Variants in CNTNAP3B observed in about 807,000 individuals in gnomAD.
CNTNAP3B encodes the protein contactin associated protein family member 3B.
CNTNAP3B carries 25 observed loss-of-function variants against 108.9 expected under a neutral mutation model. The observed-to-expected ratio is 0.23, with a 90% CI of 0.17 to 0.32. CNTNAP3B has a LOEUF of 0.32. CNTNAP3B is among the 10% of genes least tolerant of loss of function. The pLI, the probability that CNTNAP3B is intolerant of heterozygous loss-of-function variation, is 1.00. For synonymous variants in CNTNAP3B, 103 were observed against 473.4 expected (o/e 0.22, Z 10.16); for missense variants, 252 against 1,210.4 (o/e 0.21, Z 11.75).
chr9:41,917,005 T>G (rs1319896720), intron 18 of CNTNAP3B, among the ~76,000 whole-genome samples: 3 of 152,144 alleles, frequency 2.0e-5, no homozygotes, highest in African/African-American at 7.2e-5. Context: ...TTTAATAAGA[T>G]GTGTCTGGAT....
At position 42,115,817 on chromosome 9, in the gene CNTNAP3B, A is replaced by G. The variant is rs1056156194; in HGVS notation, c.86-11078T>C. On this transcript the variant is annotated intron_variant, in intron 1 of 23. Coordinates refer to ENST00000377561, the MANE Select transcript of CNTNAP3B (RefSeq NM_001201380.3). ...AAATCAGAGCACCTCTTCTCCTCCA[A>G]AGGAACACAACGCCTCGCCAGCAAC... is the stretch of plus-strand genomic sequence containing the variant. Among the ~76,000 whole-genome samples, 6 of 121,216 alleles carry G rather than the reference A, an allele frequency of 4.9e-5. 1 individual carries two copies. Among genetic ancestry groups the G allele is most frequent in the African/African-American group, 2.1e-4 (6 of 28,894 alleles). The allele number at this position is 121,216 out of a possible 152,430, so 79.5% of individuals were successfully genotyped here. A position where few individuals can be genotyped will look rare whatever the true frequency, so the allele number is the denominator to read the frequency against.
At chr9:41,919,222 C>T (rs1305790000) in intron 18 of CNTNAP3B, among the ~76,000 whole-genome samples, 1 of 152,048 alleles carries the variant, frequency 6.6e-6, no homozygotes, top group Non-Finnish European at 1.5e-5. Context: ...GCAACCTCTG[C>T]CTCCCGGGTT....
chr9:41,968,301 C>A (rs536554326), intron 10 of CNTNAP3B, among the ~76,000 whole-genome samples: 20 of 142,672 alleles, frequency 1.4e-4, no homozygotes, highest in Non-Finnish European at 2.6e-4. Context: ...GGACATTACC[C>A]CTTAACTCAG....
At chr9:41,917,590 TG>T (rs1474866985) in intron 18 of CNTNAP3B, among the ~76,000 whole-genome samples, 1 of 142,766 alleles carries the variant, frequency 7.0e-6, no homozygotes, top group Non-Finnish European at 1.5e-5. Flanking sequence ...GGTAACTTCT[TG>T]CCTTGCCTCT....
chr9:41,943,379 GTC>G (rs1824422330), intron 13 of CNTNAP3B, among the ~76,000 whole-genome samples: 1 of 136,360 alleles, frequency 7.3e-6, no homozygotes, highest in Non-Finnish European at 1.5e-5. Flanking sequence ...TTGAGATGGA[GTC>G]TCTCTCTGTC....
intron 12 of CNTNAP3B, chr9:41,960,278 G>A (rs1267033898): frequency 1.1e-4 from 19 of 168,674 alleles, no homozygotes; most frequent in East Asian, 1.8e-4. Context: ...GATTACAGGC[G>A]TGAGCCACCA....
chr9:41,926,743 TCA>T (rs1441224644), intron 15 of CNTNAP3B: 1 of 152,354 alleles, frequency 6.6e-6, no homozygotes, highest in African/African-American at 2.4e-5. Context: ...ATTTCAAATA[TCA>T]CACTTTCTCT....
chr9:41,954,975 C>A (rs1372345255), intron 12 of CNTNAP3B, among the ~76,000 whole-genome samples: 1 of 151,722 alleles, frequency 6.6e-6, no homozygotes, highest in East Asian at 1.9e-4. Context: ...TGTGAGCCAC[C>A]ACGCCTGGCC....
rs1287218809 is a variant in CNTNAP3B at position 42,112,261 on chromosome 9, T to G, written c.86-7522A>C. 9.3e-5 allele frequency among the ~76,000 whole-genome samples: 13 copies of G among 139,764 alleles called. 1 individual carries two copies. In the South Asian group the frequency reaches 1.8e-3, roughly 20 times the overall value. 91.7% of individuals were successfully genotyped at this position (139,764 alleles called of 152,430 possible). A position where few individuals can be genotyped will look rare whatever the true frequency, so the allele number is the denominator to read the frequency against. On this transcript the variant is annotated intron_variant, in intron 1 of 23. Coordinates refer to ENST00000377561, the MANE Select transcript of CNTNAP3B (RefSeq NM_001201380.3). ...CTCAAGTTTTGTCTCTGCTCTGAAG[T>G]CTTCTCACATGTGTGAAGGCCCCAG...
At chr9:42,099,727 T>G (rs1211332023) in intron 2 of CNTNAP3B, among the ~76,000 whole-genome samples, 2 of 110,334 alleles carry the variant, frequency 1.8e-5, no homozygotes, top group African/African-American at 7.4e-5. Flanking sequence ...TTTTGCAACT[T>G]TAAAAAGGAG....
At chr9:41,932,953 T>C (rs1322065667) in intron 14 of CNTNAP3B, among the ~76,000 whole-genome samples, 1 of 152,426 alleles carries the variant, frequency 6.6e-6, no homozygotes, top group African/African-American at 2.4e-5. Context: ...TCAACCTGCA[T>C]TAATTACTAC....
intron 2 of CNTNAP3B, among the ~76,000 whole-genome samples, chr9:42,077,699 G>T (rs1343504850): frequency 8.2e-6 from 1 of 121,558 alleles, no homozygotes; most frequent in African/African-American, 3.4e-5. Context: ...GCAGGTTCTG[G>T]TGCACTCTGC....
intron 3 of CNTNAP3B, among the ~76,000 whole-genome samples, chr9:42,047,893 C>CA (rs1184075400): frequency 1.0e-5 from 1 of 97,990 alleles, no homozygotes; most frequent in Non-Finnish European, 2.0e-5. Flanking sequence ...TCCTATGACT[C>CA]AGAGGGAAAA....
At chr9:41,918,189 A>T (rs1281814312) in intron 18 of CNTNAP3B, among the ~76,000 whole-genome samples, 1 of 150,682 alleles carries the variant, frequency 6.6e-6, no homozygotes, top group Non-Finnish European at 1.5e-5. Context: ...ACTTTGTAGG[A>T]AGCATGAAAC....
chr9:41,950,466 C>A (rs1824641405), intron 13 of CNTNAP3B, among the ~76,000 whole-genome samples: 1 of 124,840 alleles, frequency 8.0e-6, no homozygotes, highest in Admixed American at 8.3e-5. Context: ...ATAATTGCCC[C>A]AAACTGTAAA....
At chr9:42,098,699 A>G in intron 2 of CNTNAP3B, among the ~76,000 whole-genome samples, 1 of 114,288 alleles carries the variant, frequency 8.7e-6, no homozygotes, top group Non-Finnish European at 1.8e-5. Context: ...CTTACTGAAA[A>G]ACCACCAACT....
chr9:42,054,801 G>C (rs1166528045), intron 3 of CNTNAP3B, among the ~76,000 whole-genome samples: 2 of 151,576 alleles, frequency 1.3e-5, no homozygotes, highest in African/African-American at 4.9e-5. Context: ...CATTTAACTT[G>C]AGATACAGTT....
At chr9:41,933,252 G>A (rs1310304131) in intron 14 of CNTNAP3B, among the ~76,000 whole-genome samples, 5 of 152,286 alleles carry the variant, frequency 3.3e-5, no homozygotes, top group Non-Finnish European at 7.3e-5. Context: ...GTGCACTGTA[G>A]GATGCTCAGC....
chr9:42,049,280 C>T (rs1459951736), intron 3 of CNTNAP3B, among the ~76,000 whole-genome samples: 4 of 139,256 alleles, frequency 2.9e-5, no homozygotes, highest in African/African-American at 1.1e-4. Flanking sequence ...ATTCCCAGAT[C>T]TCTCACTCCC....
Sources: gnomAD v4.1 joint callset for allele counts (sites outside exome capture counted in the v4.1 genomes callset) on GRCh38, gnomAD v4.1.1 for gene constraint, MANE v1.5 for transcripts, NCBI Gene and HGNC (gene_info 2026-07-23, HGNC 2026-07-21) for gene names.